LRP5: variants seen among roughly 807,000 people sequenced by gnomAD.
LRP5 encodes the protein low-density lipoprotein receptor-related protein 5.
In LRP5, 62 loss-of-function variants were observed where a neutral mutation model predicts 154.1. The observed-to-expected ratio is 0.40, with a 90% CI of 0.33 to 0.50. The LOEUF is 0.50. Ranked by LOEUF, LRP5 falls within the 20% of genes least tolerant of loss-of-function variation. LRP5 has a pLI of 0.55. For synonymous variants in LRP5, 966 were observed against 1,011.5 expected, an observed-to-expected ratio of 0.96 and a Z score of 0.85; for missense variants, 1,915 against 2,336.7, an observed-to-expected ratio of 0.82 and a Z score of 3.72.
At position 68,423,780 on chromosome 11, in the gene LRP5, G is replaced by T. The variant is rs1360816182; in HGVS notation, c.3236+83G>T. The T allele has an allele frequency of 2.1e-6, 3 of 1,397,920 alleles. No individual in the cohort carries two copies. The African/African-American group carries it at 4.2e-5, about 20-fold the overall frequency. The allele number at this position is 1,397,920 out of a possible 1,614,324, so 86.6% of individuals were successfully genotyped here. ...TCTGCCGAATGCCAGCCTCTCACAGGCTGGGGAGACTTTCCACCCTGGGGA... is the reference window on the plus strand; with the variant it reads ...TCTGCCGAATGCCAGCCTCTCACAGTCTGGGGAGACTTTCCACCCTGGGGA... On this transcript the variant is annotated intron_variant, in intron 14 of 22. Transcript: ENST00000294304. This position sits in a 1 kb window ranked among gnomAD's most constrained non-coding sequence, Gnocchi z 4.7.
chr11:68,415,333 T>C (rs895574922), intron 12 of LRP5, among the ~76,000 whole-genome samples: 14 of 152,338 alleles, frequency 9.2e-5, no homozygotes, highest in Admixed American at 9.1e-4. Flanking sequence ...AGTTCACTGG[T>C]GCACACATAG....
rs1008894026 is a variant in LRP5, at chr11:68,395,889, C to T, written c.1584+5837C>T. On this transcript the variant is annotated intron_variant, in intron 7 of 22. Transcript: ENST00000294304. ...TCTTGGGTATGTCCTCAGGCTTCTG[C>T]GAGTCATGGCTGCTTCTCAGGTCCT... 7.2e-5 allele frequency among the ~76,000 whole-genome samples: 11 copies of T among 152,260 alleles called. No homozygotes were observed. The South Asian group carries it at 1.7e-3, about 23-fold the overall frequency.
At chr11:68,428,476 G>C (rs2098670100) in intron 16 of LRP5, among the ~76,000 whole-genome samples, 1 of 152,116 alleles carries the variant, frequency 6.6e-6, no homozygotes, top group Admixed American at 6.6e-5. Flanking sequence ...GGATCTATTT[G>C]TTGGCCCTTC....
chr11:68,406,442 G>A, intron 8 of LRP5, 82 bp from the exon 9 acceptor site: 1 of 1,422,178 alleles, frequency 7.0e-7, no homozygotes, highest in Non-Finnish European at 9.9e-7. Flanking sequence ...GCTCACGGCA[G>A]CATTCATTGT....
At chr11:68,364,563 C>T (rs1369989939) in intron 4 of LRP5, among the ~76,000 whole-genome samples, 4 of 152,044 alleles carry the variant, frequency 2.6e-5, no homozygotes, top group African/African-American at 9.7e-5. Context: ...TGCCCAGAAT[C>T]AGCAGTTCTC....
intron 16 of LRP5, among the ~76,000 whole-genome samples, chr11:68,428,066 C>T (rs1301355038): frequency 6.6e-6 from 1 of 151,062 alleles, no homozygotes. Context: ...GATCTCGGTT[C>T]ACTGCAACCT....
At chr11:68,431,771 C>T (rs2098672031) in intron 17 of LRP5, among the ~76,000 whole-genome samples, 1 of 152,192 alleles carries the variant, frequency 6.6e-6, no homozygotes, top group Non-Finnish European at 1.5e-5. Flanking sequence ...CCCACTGATG[C>T]CCGAACTGCC....
chr11:68,446,321 G>A (rs2098681392), intron 21 of LRP5, 115 bp from the exon 22 acceptor site: 4 of 791,676 alleles, frequency 5.1e-6, no homozygotes, highest in African/African-American at 1.7e-5. Flanking sequence ...AAGGGGTCCT[G>A]GGAAGCAGGG....
intron 21 of LRP5, among the ~76,000 whole-genome samples, chr11:68,444,591 G>T (rs1342875095): frequency 8.8e-6 from 1 of 113,678 alleles, no homozygotes; most frequent in African/African-American, 3.6e-5. Flanking sequence ...CCCACCCTGG[G>T]CCGAGATCCA....
rs369842196 is a variant in LRP5 at position 68,358,053 on chromosome 11, C to T, written c.686+206C>T. ...GAATATTTCTATAGCAAATGTGGCA[C>T]GTTCATTCTAAGTAGGGCAGAAAAG... is the stretch of plus-strand genomic sequence containing the variant. On this transcript the variant is annotated intron_variant, in intron 3 of 22. Transcript: ENST00000294304. Among the ~76,000 whole-genome samples, 26 of 152,014 alleles carry T rather than the reference C, an allele frequency of 1.7e-4. No homozygotes were observed. The East Asian group carries it at 1.9e-3, about 11-fold the overall frequency.
chr11:68,365,546 T>C, intron 4 of LRP5, 25 bp from the exon 5 acceptor site: 1 of 1,613,592 alleles, frequency 6.2e-7, no homozygotes, highest in Non-Finnish European at 8.5e-7. Flanking sequence ...TGGAACCTTC[T>C]CTCACTCTGT....
chr11:68,313,105 G>GGAGCC (rs1190664379), intron 1 of LRP5, among the ~76,000 whole-genome samples: 1 of 149,514 alleles, frequency 6.7e-6, no homozygotes, highest in African/African-American at 2.4e-5. Flanking sequence ...CGGGAAGCCG[G>GGAGCC]GAGCCGAGCC....
At chr11:68,366,307 C>T (rs1425568067) in intron 5 of LRP5, among the ~76,000 whole-genome samples, 1 of 151,994 alleles carries the variant, frequency 6.6e-6, no homozygotes, top group Non-Finnish European at 1.5e-5. Context: ...GCCGGTGTCC[C>T]ACTCGGGAGG....
rs555130736 is a variant in LRP5 at position 68,438,319 on chromosome 11, C to T, written c.4112-127C>T. 9.5e-5 allele frequency: 90 copies of T among 947,924 alleles called. No individual in the cohort carries two copies. In the African/African-American group the frequency reaches 1.3e-3, roughly 14 times the overall value. 58.7% of individuals were successfully genotyped at this position (947,924 alleles called of 1,614,324 possible). ...TCCCCAGGCCTAGCCTCCCAGCTCC[C>T]CCACTTTCTCCCCACCCTCCACCAG... is the stretch of plus-strand genomic sequence containing the variant. On this transcript the variant is annotated intron_variant, in intron 19 of 22. Coordinates refer to ENST00000294304, the MANE Select transcript of LRP5 (RefSeq NM_002335.4).
intron 1 of LRP5, among the ~76,000 whole-genome samples, chr11:68,346,430 T>C (rs2098612973): frequency 6.6e-6 from 1 of 152,250 alleles, no homozygotes; most frequent in African/African-American, 2.4e-5. Context: ...CTCGGAACCA[T>C]CTACCCCACT....
rs565597015 is a variant in LRP5, at chr11:68,438,495, C to T, written c.4161C>T (p.Ile1387=). Residue 1387 remains isoleucine, a synonymous_variant, in exon 20 of 23, where the codon ATC becomes ATT. Coordinates refer to ENST00000294304, the MANE Select transcript of LRP5 (RefSeq NM_002335.4). ...ACAGCCCGGCCCACAGCAGTGCCAT[C>T]GGGCCCGTCATTGGCATCATCCTCT... ...SDDSPAHSSA[I]GPVIGIILSL... is the part of the protein sequence containing the mutation. 1.2e-5 allele frequency: 19 copies of T among 1,614,224 alleles called. No homozygotes were observed. The highest frequency in any genetic ancestry group is 2.7e-5 in the African/African-American group (2 of 75,070).
At chr11:68,431,463 C>T (rs1487318359) in intron 17 of LRP5, among the ~76,000 whole-genome samples, 1 of 152,072 alleles carries the variant, frequency 6.6e-6, no homozygotes, top group East Asian at 1.9e-4. Context: ...TGGTCTTGAA[C>T]TCCTGACCTC....
chr11:68,419,201 A>T (rs603129), intron 13 of LRP5, among the ~76,000 whole-genome samples: 91,068 of 152,022 alleles, frequency 0.6, 29,905 homozygotes, highest in South Asian at 0.8. Context: ...TGTGGTAAAT[A>T]TATATAACAT....
At chr11:68,376,323 A>G (rs1373287394) in intron 5 of LRP5, among the ~76,000 whole-genome samples, 2 of 151,940 alleles carry the variant, frequency 1.3e-5, no homozygotes, top group South Asian at 4.1e-4. Context: ...CTTGGACTAT[A>G]GGCACCCGCC....
Sources: allele counts gnomAD v4.1 joint callset (sites outside exome capture counted in the v4.1 genomes callset), GRCh38; gene constraint gnomAD v4.1.1; non-coding constraint Gnocchi (gnomAD v3.1); transcripts MANE v1.5; gene names NCBI Gene and HGNC (gene_info 2026-07-23, HGNC 2026-07-21).